The following ADAMTS3 variants were observed in gnomAD, a reference collection of about 807,000 sequenced individuals.
ADAMTS3 encodes A disintegrin and metalloproteinase with thrombospondin motifs 3.
Under a neutral mutation model 129.0 loss-of-function variants are expected in ADAMTS3, and 73 were observed. That is an observed-to-expected ratio of 0.57 (90% CI 0.47 to 0.69). ADAMTS3 has a LOEUF of 0.69. Among genes scored for constraint, ADAMTS3 ranks in the 30% least tolerant of loss-of-function variants. The pLI is 0.00. For missense variants in ADAMTS3, 1,457 were observed against 1,514.5 expected (o/e 0.96, Z 0.63); for synonymous variants, 477 against 510.8 (o/e 0.93, Z 0.89).
At chr4:72,535,178 G>A (rs890545685) in intron 3 of ADAMTS3, among the ~76,000 whole-genome samples, 1 of 152,294 alleles carries the variant, frequency 6.6e-6, no homozygotes, top group African/African-American at 2.4e-5. Flanking sequence ...AGGAAGTAAA[G>A]TGTAAAATAT....
chr4:72,462,598 T>A lies in ADAMTS3; in HGVS notation c.505-47627A>T, dbSNP rs540921224. Among the ~76,000 whole-genome samples, 7 of 152,074 alleles carry A rather than the reference T, an allele frequency of 4.6e-5. No individual in the cohort carries two copies. The East Asian group carries it at 1.4e-3, about 30-fold the overall frequency. On this transcript the variant is annotated intron_variant, in intron 3 of 21. Coordinates refer to ENST00000286657, the MANE Select transcript of ADAMTS3 (RefSeq NM_014243.3). ...TTCCTATCACCCTGTGACGTCTTAA[T>A]GATCCTGATCCCATGTAGGCCGAGG...
At chr4:72,567,261 T>A in intron 2 of ADAMTS3, 113 bp downstream of exon 2, 1 of 1,062,562 alleles carries the variant, frequency 9.4e-7, no homozygotes, top group Non-Finnish European at 1.4e-6. Context: ...GGACTACAGA[T>A]TATTTTTTTT....
chr4:72,311,203 A>G (rs1394159034), intron 13 of ADAMTS3, 22 bp from the exon 14 acceptor site: 6 of 1,596,466 alleles, frequency 3.8e-6, no homozygotes, highest in African/African-American at 1.3e-5. Flanking sequence ...GGAGGATAAA[A>G]TTAACTATTT....
chr4:72,547,203 A>G (rs923691404), intron 3 of ADAMTS3, among the ~76,000 whole-genome samples: 3 of 152,126 alleles, frequency 2.0e-5, no homozygotes, highest in African/African-American at 7.2e-5. Context: ...TCTTACCTAT[A>G]ATTAGGGCAG....
chr4:72,568,815 A>AGGGGGGGGG lies in ADAMTS3; in HGVS notation c.-54_-53insCCCCCCCCC. 8.7e-7 allele frequency: 1 copy of AGGGGGGGGG among 1,149,978 alleles called. No homozygotes were observed. Among genetic ancestry groups the AGGGGGGGGG allele is most frequent in the Non-Finnish European group, 1.2e-6 (1 of 850,596 alleles). The allele number at this position is 1,149,978 out of a possible 1,614,324, so 71.2% of individuals were successfully genotyped here. A position where few individuals can be genotyped will look rare whatever the true frequency, so the allele number is the denominator to read the frequency against. On this transcript the variant is annotated 5_prime_UTR_variant, in exon 1 of 22. Transcript: ENST00000286657. Reference sequence around the variant, plus strand: ...TGGGCAAAGCAAATGCCCAGAGCAAACCCACCCCCCCCGCCCAAAATAAGT... The same window carrying AGGGGGGGGG: ...TGGGCAAAGCAAATGCCCAGAGCAAAGGGGGGGGGCCCACCCCCCCCGCCCAAAATAAGT...
chr4:72,447,228 T>C (rs1053968449), intron 3 of ADAMTS3, among the ~76,000 whole-genome samples: 4 of 151,838 alleles, frequency 2.6e-5, no homozygotes, highest in African/African-American at 9.6e-5. Context: ...CCCTTATGTC[T>C]TTCTTTGCTG....
intron 3 of ADAMTS3, among the ~76,000 whole-genome samples, chr4:72,486,828 C>T (rs1461886441): frequency 6.6e-6 from 1 of 152,130 alleles, no homozygotes; most frequent in Non-Finnish European, 1.5e-5. Context: ...TTCTCTGATG[C>T]TTTTCACTCA....
At chr4:72,559,615 C>T (rs1242286543) in intron 2 of ADAMTS3, among the ~76,000 whole-genome samples, 1 of 151,676 alleles carries the variant, frequency 6.6e-6, no homozygotes, top group Non-Finnish European at 1.5e-5. Context: ...TGAAGTACCT[C>T]TCTTTGAGTA....
chr4:72,376,619 A>G (rs530993521), intron 4 of ADAMTS3, among the ~76,000 whole-genome samples: 1 of 152,240 alleles, frequency 6.6e-6, no homozygotes. Flanking sequence ...TTGTAATTTA[A>G]TAAGCCTTTG....
intron 2 of ADAMTS3, among the ~76,000 whole-genome samples, chr4:72,555,759 T>A (rs535714990): frequency 1.3e-5 from 2 of 151,672 alleles, no homozygotes; most frequent in South Asian, 4.1e-4. Flanking sequence ...AGGAGCCTGG[T>A]GGGGGTGATT....
chr4:72,298,160 G>T, intron 18 of ADAMTS3, 117 bp downstream of exon 18: 1 of 729,550 alleles, frequency 1.4e-6, no homozygotes, highest in Non-Finnish European at 2.2e-6. Flanking sequence ...ATGTTTTGAT[G>T]GTTATGTTTG....
At chr4:72,314,629 T>G (rs1042313933) in intron 11 of ADAMTS3, among the ~76,000 whole-genome samples, 17 of 152,196 alleles carry the variant, frequency 1.1e-4, no homozygotes, top group Non-Finnish European at 2.4e-4. Context: ...AGTTGAATGT[T>G]AAAAAGTTAA....
chr4:72,283,360 T>C lies in ADAMTS3; in HGVS notation c.3394A>G (p.Arg1132Gly), dbSNP rs374618016. ...TTACTTCCTGCTTGCTGAGCACTCC[T>C]CTGGCGTAAATTAGCACCATCAGGT... ...SKPDGANLRQ[R>G]SAQQAGSKTV... The change falls in exon 22 of 22, where the codon AGG becomes GGG. Residue 1132 changes from arginine to glycine, a missense_variant. Transcript: ENST00000286657. 1.1e-5 allele frequency: 17 copies of C among 1,613,546 alleles called. No individual in the cohort carries two copies. Among genetic ancestry groups the C allele is most frequent in the Non-Finnish European group, 1.4e-5 (16 of 1,179,622 alleles).
At chr4:72,549,012 C>A in intron 2 of ADAMTS3, 128 bp from the exon 3 acceptor site, 1 of 781,162 alleles carries the variant, frequency 1.3e-6, no homozygotes, top group East Asian at 2.7e-5. Flanking sequence ...ATTCCTGAAT[C>A]AGCTCATAAA....
chr4:72,309,576 C>G (rs1476043681), intron 14 of ADAMTS3, 56 bp from the exon 15 acceptor site: 3 of 1,583,608 alleles, frequency 1.9e-6, no homozygotes, highest in Non-Finnish European at 2.6e-6. Context: ...TAGTGGTCAA[C>G]ATCCCAGAGA....
At chr4:72,416,898 T>C (rs745641917) in intron 3 of ADAMTS3, among the ~76,000 whole-genome samples, 1 of 152,114 alleles carries the variant, frequency 6.6e-6, no homozygotes, top group Non-Finnish European at 1.5e-5. Flanking sequence ...ACACAGTAAA[T>C]GTATAAAAAG....
At chr4:72,399,262 T>C (rs1272949839) in intron 4 of ADAMTS3, among the ~76,000 whole-genome samples, 1 of 151,996 alleles carries the variant, frequency 6.6e-6, no homozygotes, top group African/African-American at 2.4e-5. Context: ...AGACCTCATC[T>C]CTACAAAAAA....
chr4:72,355,405 T>C (rs1391369036), intron 4 of ADAMTS3, among the ~76,000 whole-genome samples: 2 of 152,020 alleles, frequency 1.3e-5, no homozygotes, highest in African/African-American at 4.8e-5. Context: ...TTTTTCCTCT[T>C]GTTCAATCGA....
intron 4 of ADAMTS3, among the ~76,000 whole-genome samples, chr4:72,414,316 A>C (rs541388203): frequency 1.7e-3 from 266 of 152,088 alleles, no homozygotes; most frequent in Non-Finnish European, 2.8e-3. Flanking sequence ...AAAATTCCAC[A>C]GAAGAATTTC....
Sources: gnomAD v4.1 joint callset for allele counts (sites outside exome capture counted in the v4.1 genomes callset) on GRCh38, gnomAD v4.1.1 for gene constraint, MANE v1.5 for transcripts, NCBI Gene and HGNC (gene_info 2026-07-23, HGNC 2026-07-21) for gene names.